DSCAM: variants seen among roughly 807,000 people sequenced by gnomAD.
DSCAM encodes the protein cell adhesion molecule DSCAM.
Under a neutral mutation model 217.7 loss-of-function variants are expected in DSCAM, and 47 were observed. That is an observed-to-expected ratio of 0.22 (90% confidence interval 0.17 to 0.28). The LOEUF (loss-of-function observed/expected upper bound fraction) is 0.28. DSCAM is among the 10% of genes least tolerant of loss of function. The pLI is 1.00. For synonymous variants in DSCAM, 1,056 were observed against 1,015.3 expected (o/e 1.04, Z -0.76); for missense variants, 2,080 against 2,618.3 (o/e 0.79, Z 4.49).
At chr21:40,669,169 G>C (rs2146396536) in intron 3 of DSCAM, among the ~76,000 whole-genome samples, 2 of 152,200 alleles carry the variant, frequency 1.3e-5, no homozygotes, top group Non-Finnish European at 2.9e-5. Flanking sequence ...TGAGACCCTA[G>C]ACGAATCTCT....
chr21:40,678,240 T>C (rs2090362196), intron 3 of DSCAM, among the ~76,000 whole-genome samples: 1 of 152,188 alleles, frequency 6.6e-6, no homozygotes, highest in African/African-American at 2.4e-5. Context: ...TGTGTCTTTT[T>C]AAAACAGGTC....
intron 1 of DSCAM, among the ~76,000 whole-genome samples, chr21:40,824,309 TG>T (rs1246142892): frequency 6.6e-6 from 1 of 152,126 alleles, no homozygotes; most frequent in Non-Finnish European, 1.5e-5. Flanking sequence ...CAAATAGAGA[TG>T]AGCATTTTAA....
At chr21:40,316,928 A>G (rs754145488) in intron 8 of DSCAM, among the ~76,000 whole-genome samples, 9 of 152,340 alleles carry the variant, frequency 5.9e-5, no homozygotes, top group African/African-American at 1.2e-4. Flanking sequence ...GAAGAGGCGT[A>G]TAAGACTTTG....
In DSCAM at chr21:40,682,665, AGG is replaced by A. The variant is rs1393182472; in HGVS notation, c.508+10143_508+10144del. 3.2e-3 allele frequency among the ~76,000 whole-genome samples: 83 copies of A among 25,760 alleles called. 2 individuals carry two copies. The highest frequency in any genetic ancestry group is 4.8e-3 in the Non-Finnish European group (61 of 12,614). 16.9% of individuals were successfully genotyped at this position (25,760 alleles called of 152,430 possible). A position where few individuals can be genotyped will look rare whatever the true frequency, so the allele number is the denominator to read the frequency against. Reference sequence around the variant, plus strand: ...AGAGGAAGGGAAGGGAAGGGAGCGGAGGGGGAGGGGAGGGGAGGGGAAGGGAG... The same window carrying A: ...AGAGGAAGGGAAGGGAAGGGAGCGGAGGGAGGGGAGGGGAGGGGAAGGGAG... On this transcript the variant is annotated intron_variant, in intron 3 of 32. Transcript: ENST00000400454.
chr21:40,691,094 A>G (rs954051826), intron 3 of DSCAM, among the ~76,000 whole-genome samples: 3 of 152,252 alleles, frequency 2.0e-5, no homozygotes. Flanking sequence ...TAAAAGTTAA[A>G]AAAATCCTCC....
intron 9 of DSCAM, among the ~76,000 whole-genome samples, chr21:40,311,079 A>C (rs1461106295): frequency 2.0e-5 from 3 of 152,132 alleles, no homozygotes; most frequent in African/African-American, 7.2e-5. Flanking sequence ...GGGGACAAGG[A>C]GTAAGGAATG....
intron 3 of DSCAM, among the ~76,000 whole-genome samples, chr21:40,612,369 T>C (rs889434717): frequency 6.6e-6 from 1 of 152,176 alleles, no homozygotes; most frequent in Non-Finnish European, 1.5e-5. Flanking sequence ...AACATTCTCT[T>C]GAAGCCCTGA....
chr21:40,689,281 C>T (rs2090515086), intron 3 of DSCAM, among the ~76,000 whole-genome samples: 1 of 152,174 alleles, frequency 6.6e-6, no homozygotes, highest in South Asian at 2.1e-4. Flanking sequence ...CCAAAGGTCC[C>T]CTGGCCTAGA....
Position 40,167,140 on chromosome 21 carries a change from G to C in DSCAM, c.3018+78C>G. On this transcript the variant is annotated intron_variant, in intron 16 of 32. Coordinates refer to ENST00000400454, the MANE Select transcript of DSCAM (RefSeq NM_001389.5). ...AGTTTTGTAAAATTCGAGAGTCTTG[G>C]TGTCATAACACTGAACAGGAGTGAA... is the stretch of plus-strand genomic sequence containing the variant. The C allele has an allele frequency of 3.9e-6, 5 of 1,285,088 alleles. No homozygotes were observed. In the East Asian group the frequency reaches 9.3e-5, roughly 24 times the overall value. 79.6% of individuals were successfully genotyped at this position (1,285,088 alleles called of 1,614,324 possible). A position where few individuals can be genotyped will look rare whatever the true frequency, so the allele number is the denominator to read the frequency against.
chr21:40,459,432 C>T lies in DSCAM; in HGVS notation c.509-90187G>A, dbSNP rs60907585. Among the ~76,000 whole-genome samples, 3,349 of 152,160 alleles carry T rather than the reference C, an allele frequency of 0.022. 287 individuals are homozygous for T. In the East Asian group the frequency reaches 0.3, roughly 14 times the overall value. On this transcript the variant is annotated intron_variant, in intron 3 of 32. Transcript: ENST00000400454. The stretch of plus-strand genomic sequence containing the variant: ...GAGAACCAATGGAAAAACTCTTAGA[C>T]ATGGTAAAGATAATTCAGTGAAGTG...
intron 3 of DSCAM, among the ~76,000 whole-genome samples, chr21:40,627,519 C>T (rs190428989): frequency 2.6e-5 from 4 of 152,242 alleles, no homozygotes; most frequent in East Asian, 1.9e-4. Flanking sequence ...TCAATTACAG[C>T]GAGTACATGT....
At chr21:40,519,738 A>C (rs12483037) in intron 3 of DSCAM, among the ~76,000 whole-genome samples, 30,144 of 152,080 alleles carry the variant, frequency 0.2, 3,512 homozygotes, top group African/African-American at 0.29. Flanking sequence ...AATAGAAATC[A>C]TTCTTGAGCT....
intron 3 of DSCAM, among the ~76,000 whole-genome samples, chr21:40,548,503 TAA>T (rs60211777): frequency 2.2e-5 from 2 of 90,312 alleles, no homozygotes; most frequent in African/African-American, 7.0e-5. Flanking sequence ...AATAAACCAG[TAA>T]AAAAAAAAAT....
chr21:40,756,995 G>T (rs2091283274), intron 1 of DSCAM, among the ~76,000 whole-genome samples: 1 of 151,370 alleles, frequency 6.6e-6, no homozygotes, highest in African/African-American at 2.4e-5. Flanking sequence ...GTGTGTGTGT[G>T]TGTGTGTATG....
At chr21:40,325,787 T>C (rs2074310770) in intron 8 of DSCAM, among the ~76,000 whole-genome samples, 1 of 152,200 alleles carries the variant, frequency 6.6e-6, no homozygotes, top group Admixed American at 6.5e-5. Context: ...TGCGGGGAAC[T>C]GGGACCTCTA....
chr21:40,197,715 C>T (rs534731551), intron 11 of DSCAM, among the ~76,000 whole-genome samples: 1 of 152,266 alleles, frequency 6.6e-6, no homozygotes, highest in East Asian at 1.9e-4. Context: ...ATCTGTCCTT[C>T]TGTCCTTTCA....
chr21:40,281,471 T>C lies in DSCAM; in HGVS notation c.2183-5201A>G, dbSNP rs547905632. ...CAGTGCATCAGTGGAGAGAAATATA[T>C]ATATATAGCGGTAGGCAATCTGTAT... On this transcript the variant is annotated intron_variant, in intron 10 of 32. Transcript: ENST00000400454. 1.1e-4 allele frequency among the ~76,000 whole-genome samples: 17 copies of C among 152,270 alleles called. No individual in the cohort carries two copies. In the South Asian group the frequency reaches 3.1e-3, roughly 28 times the overall value.
At chr21:40,195,432 A>G (rs528968615) in intron 11 of DSCAM, among the ~76,000 whole-genome samples, 13 of 152,350 alleles carry the variant, frequency 8.5e-5, no homozygotes, top group African/African-American at 3.1e-4. Context: ...TGTCACAAGC[A>G]TCTGGCTCAA....
chr21:40,487,713 G>T (rs2076041933), intron 3 of DSCAM, among the ~76,000 whole-genome samples: 1 of 152,216 alleles, frequency 6.6e-6, no homozygotes, highest in Non-Finnish European at 1.5e-5. Context: ...GGGAGAGGCA[G>T]TGAAGATGGG....
Sources: gnomAD v4.1 joint callset for allele counts (sites outside exome capture counted in the v4.1 genomes callset) on GRCh38, gnomAD v4.1.1 for gene constraint, MANE v1.5 for transcripts, NCBI Gene and HGNC (gene_info 2026-07-23, HGNC 2026-07-21) for gene names.